The following SCN2A variants were observed in gnomAD, a reference collection of about 807,000 sequenced individuals.
The protein encoded by SCN2A is sodium channel protein type 2 subunit alpha.
A neutral mutation model predicts 188.7 loss-of-function variants in SCN2A; 20 were observed. The observed-to-expected ratio is 0.11, with a 90% CI of 0.07 to 0.15. The LOEUF (loss-of-function observed/expected upper bound fraction) is 0.15, where lower values mean the gene tolerates loss of function less well. SCN2A is among the 10% of genes least tolerant of loss of function. SCN2A has a pLI of 1.00. For synonymous variants in SCN2A, 804 were observed against 833.1 expected (o/e 0.97, Z 0.60); for missense variants, 1,278 against 2,445.0 (o/e 0.52, Z 10.07).
chr2:165,350,656 T>C (rs536533619), intron 16 of SCN2A, among the ~76,000 whole-genome samples: 1 of 143,242 alleles, frequency 7.0e-6, no homozygotes, highest in East Asian at 2.1e-4. Context: ...GTATTTTTAG[T>C]AGAGACGGGG....
chr2:165,279,659 T>C (rs1433694227), intron 1 of SCN2A, among the ~76,000 whole-genome samples: 3 of 152,140 alleles, frequency 2.0e-5, no homozygotes, highest in Non-Finnish European at 4.4e-5. Flanking sequence ...AAATATTGAA[T>C]CTGCATGTTG....
chr2:165,376,913 C>T (rs890688762), intron 22 of SCN2A, among the ~76,000 whole-genome samples: 7 of 148,250 alleles, frequency 4.7e-5, no homozygotes, highest in Non-Finnish European at 9.0e-5. Context: ...TTACACGATC[C>T]TCAAGACTAT....
In SCN2A at chr2:165,310,448, C is replaced by T. The variant is rs181327458; in HGVS notation, c.823C>T (p.Arg275Ter). The T allele has an allele frequency of 6.2e-7, 1 of 1,613,554 alleles. No individual in the cohort carries two copies. The change falls in exon 7 of 27, where the codon CGA becomes TGA. Residue 275 changes from arginine to a stop codon, truncating the protein, a stop_gained. Coordinates refer to ENST00000375437, the MANE Select transcript of SCN2A (RefSeq NM_001040142.2). LOFTEE classifies it high-confidence loss of function. Reference sequence around the variant, plus strand: ...ATTGCAGTTGTTCATGGGCAACCTACGAAATAAATGTTTGCAATGGCCTCC... The same window carrying T: ...ATTGCAGTTGTTCATGGGCAACCTATGAAATAAATGTTTGCAATGGCCTCC... ...IGLQLFMGNL[R>*]NKCLQWPPDN...
chr2:165,296,141 G>A lies in SCN2A; in HGVS notation c.267+51G>A, dbSNP rs111535588. ...ACTGCCTATTTACTAATTGGTTCTG[G>A]GCTAGTCCCAGGGATGATGGTGAAG... is the stretch of plus-strand genomic sequence containing the variant. On this transcript the variant is annotated intron_variant, in intron 2 of 26. Coordinates refer to ENST00000375437, the MANE Select transcript of SCN2A (RefSeq NM_001040142.2). The A allele has an allele frequency of 0.033, 51,611 of 1,566,658 alleles. 1,044 individuals are homozygous for A. The highest frequency in any genetic ancestry group is 0.038 in the Non-Finnish European group (43,371 of 1,138,862).
intron 17 of SCN2A, among the ~76,000 whole-genome samples, chr2:165,356,748 C>A (rs796565134): frequency 1.1e-4 from 16 of 152,174 alleles, no homozygotes; most frequent in African/African-American, 3.6e-4. Flanking sequence ...GTGGGTTTTC[C>A]AAAAGAGCGT....
intron 15 of SCN2A, among the ~76,000 whole-genome samples, chr2:165,344,282 T>C (rs1399222692): frequency 2.6e-5 from 4 of 152,130 alleles, no homozygotes; most frequent in Admixed American, 2.6e-4. Flanking sequence ...AAGTCACTGC[T>C]ATATTTGTTA....
chr2:165,283,673 A>G (rs1695687808), intron 1 of SCN2A, among the ~76,000 whole-genome samples: 1 of 152,214 alleles, frequency 6.6e-6, no homozygotes. Flanking sequence ...CATCTTAGGT[A>G]TAGAAAGGGA....
intron 1 of SCN2A, among the ~76,000 whole-genome samples, chr2:165,278,767 C>A (rs1361898549): frequency 1.3e-5 from 2 of 152,054 alleles, no homozygotes; most frequent in African/African-American, 4.8e-5. Flanking sequence ...CCCATCTCTA[C>A]AAAATGTTAG....
At position 165,326,975 on chromosome 2, in the gene SCN2A, A is replaced by G. The variant is rs1361602909; in HGVS notation, c.2140A>G (p.Thr714Ala). 1 of 1,613,914 alleles carries G rather than the reference A, an allele frequency of 6.2e-7. No individual in the cohort carries two copies. The highest frequency in any genetic ancestry group is 8.5e-7 in the Non-Finnish European group (1 of 1,179,874). Residue 714 changes from threonine (T) to alanine (A), a missense_variant, in exon 13 of 27, where the codon ACC (threonine) becomes GCC (alanine). Thr to Ala is a moderately conservative substitution (Grantham distance 58). Transcript: ENST00000375437. ...GAGTATAGCCAGTATTTTGACCAAC[A>G]CCATGGAAGGTATGTTAAAAGTCCT... Reference protein sequence around the residue: ...AMSIASILTNTMEELEESRQK... With the variant: ...AMSIASILTNAMEELEESRQK...
chr2:165,309,387 C>T lies in SCN2A; in HGVS notation c.641C>T (p.Ser214Leu), dbSNP rs942312047. Residue 214 changes from serine to leucine, a missense_variant, in exon 6 of 27, where the codon TCA becomes TTA. Physicochemically the swap from Ser to Leu is moderately radical, Grantham distance 145. This residue lies in a region of SCN2A where 37 missense variants were observed against 154.9 expected (regional missense o/e 0.24). Transcript: ENST00000375437. ...VTEFVDLGNV[S>L]ALRTFRVLRA... ...GAGTTTGTGGACCTGGGCAATGTCT[C>T]AGCGTTGAGAACATTCAGAGTTCTC... is the stretch of plus-strand genomic sequence containing the variant. The T allele has an allele frequency of 1.9e-6, 3 of 1,613,676 alleles. No homozygotes were observed. The highest frequency in any genetic ancestry group is 2.5e-6 in the Non-Finnish European group (3 of 1,179,690).
At chr2:165,355,433 C>A (rs1700129966) in intron 17 of SCN2A, among the ~76,000 whole-genome samples, 1 of 152,048 alleles carries the variant, frequency 6.6e-6, no homozygotes, top group Admixed American at 6.6e-5. Flanking sequence ...TGCTATTAAC[C>A]TGTTGCTCAA....
chr2:165,343,269 T>C (rs190894470), intron 15 of SCN2A, among the ~76,000 whole-genome samples: 13 of 152,292 alleles, frequency 8.5e-5, no homozygotes, highest in Admixed American at 5.2e-4. Context: ...ATGAAATCTG[T>C]TTACAATTTC....
intron 1 of SCN2A, chr2:165,269,188 GA>G (rs1695001107): frequency 6.6e-6 from 1 of 151,990 alleles, no homozygotes; most frequent in Admixed American, 6.6e-5. Context: ...AGGTGAAGGA[GA>G]TATTAATTAG....
chr2:165,249,297 T>C (rs1457125147), intron 1 of SCN2A, among the ~76,000 whole-genome samples: 1 of 152,166 alleles, frequency 6.6e-6, no homozygotes, highest in Non-Finnish European at 1.5e-5. Context: ...TTTCGCTATG[T>C]AGGTTGCTTT....
intron 1 of SCN2A, among the ~76,000 whole-genome samples, chr2:165,274,528 T>C (rs1009711176): frequency 6.6e-6 from 1 of 152,308 alleles, no homozygotes; most frequent in Admixed American, 6.5e-5. Flanking sequence ...AAAAATACAT[T>C]ACCAAAACAC....
intron 17 of SCN2A, among the ~76,000 whole-genome samples, chr2:165,356,067 A>T (rs1385900899): frequency 1.3e-5 from 2 of 151,886 alleles, no homozygotes; most frequent in Non-Finnish European, 2.9e-5. Flanking sequence ...ATTACTAAAG[A>T]GTATGTTATT....
chr2:165,341,188 G>A (rs1699293200), intron 14 of SCN2A, among the ~76,000 whole-genome samples: 3 of 152,272 alleles, frequency 2.0e-5, no homozygotes, highest in Admixed American at 6.5e-5. Context: ...CCGACTCCCG[G>A]GTTCATGCCA....
At chr2:165,341,296 T>A (rs1006204243) in intron 14 of SCN2A, among the ~76,000 whole-genome samples, 1 of 152,048 alleles carries the variant, frequency 6.6e-6, no homozygotes, top group African/African-American at 2.4e-5. Flanking sequence ...GGTTTCACCG[T>A]GTTAGCCAGG....
chr2:165,299,209 G>A (rs181222650), intron 3 of SCN2A, among the ~76,000 whole-genome samples: 258 of 152,208 alleles, frequency 1.7e-3, no homozygotes, highest in Non-Finnish European at 2.7e-3. Context: ...ATTCTGATCA[G>A]AGAATATGAG....
Sources: gnomAD v4.1 joint callset for allele counts (sites outside exome capture counted in the v4.1 genomes callset) on GRCh38, gnomAD v4.1.1 for gene constraint, gnomAD v4.1.1 regional missense constraint, MANE v1.5 for transcripts, NCBI Gene and HGNC (gene_info 2026-07-23, HGNC 2026-07-21) for gene names.